Variants in CAMTA1 observed in about 807,000 individuals in gnomAD.
CAMTA1 encodes calmodulin binding transcription activator 1.
A neutral mutation model predicts 170.9 loss-of-function variants in CAMTA1; 27 were observed. The ratio of observed to expected loss-of-function variants is 0.16; its 90% CI spans 0.12 to 0.22. The LOEUF (loss-of-function observed/expected upper bound fraction) is 0.22, where lower values mean the gene tolerates loss of function less well. CAMTA1 is among the 10% of genes least tolerant of loss of function. The probability of loss-of-function intolerance (pLI) is 1.00; values close to 1 mark genes in which losing one functional copy is unlikely to be tolerated. For missense variants in CAMTA1, 1,619 were observed against 2,217.2 expected, an observed-to-expected ratio of 0.73 and a Z score of 5.42; for synonymous variants, 833 against 891.5, an observed-to-expected ratio of 0.93 and a Z score of 1.17.
intron 5 of CAMTA1, among the ~76,000 whole-genome samples, chr1:7,385,461 A>G (rs1264782591): frequency 6.6e-6 from 1 of 152,306 alleles, no homozygotes; most frequent in East Asian, 1.9e-4. Context: ...GCGTCTCTGC[A>G]GGTTTATTCT....
intron 4 of CAMTA1, among the ~76,000 whole-genome samples, chr1:7,110,316 A>G (rs1377162191): frequency 6.6e-6 from 1 of 151,890 alleles, no homozygotes; most frequent in East Asian, 1.9e-4. Context: ...GAAGGGCTAG[A>G]ATGTTCTGAG....
intron 5 of CAMTA1, among the ~76,000 whole-genome samples, chr1:7,453,950 T>G (rs2092891414): frequency 6.6e-6 from 1 of 152,212 alleles, no homozygotes; most frequent in African/African-American, 2.4e-5. Context: ...GGTTAAGACC[T>G]ATGTGGTTGG....
intron 3 of CAMTA1, among the ~76,000 whole-genome samples, chr1:7,031,821 A>T (rs376565332): frequency 1.3e-5 from 2 of 152,046 alleles, no homozygotes; most frequent in South Asian, 4.2e-4. Context: ...GATTATAGGC[A>T]TGAGTCACCA....
intron 3 of CAMTA1, among the ~76,000 whole-genome samples, chr1:7,013,514 C>G (rs1700117621): frequency 6.6e-6 from 1 of 152,172 alleles, no homozygotes; most frequent in Non-Finnish European, 1.5e-5. Context: ...CACCTGGCCC[C>G]TTTGTCCTTC....
chr1:6,805,278 T>C (rs990045204), intron 1 of CAMTA1, among the ~76,000 whole-genome samples: 10 of 152,240 alleles, frequency 6.6e-5, no homozygotes, highest in African/African-American at 1.9e-4. Context: ...TAGTGACTAA[T>C]GATGTTGAGC....
At chr1:7,702,191 T>C (rs2096448637) in intron 11 of CAMTA1, among the ~76,000 whole-genome samples, 1 of 152,014 alleles carries the variant, frequency 6.6e-6, no homozygotes, top group African/African-American at 2.4e-5. Flanking sequence ...CAGTGCCTCC[T>C]GGGCTGCTGC....
intron 3 of CAMTA1, among the ~76,000 whole-genome samples, chr1:6,885,706 T>G (rs991627745): frequency 6.6e-6 from 1 of 152,188 alleles, no homozygotes; most frequent in Non-Finnish European, 1.5e-5. Context: ...TACCTCTGAA[T>G]GTAGATGCAG....
chr1:6,811,572 C>T (rs1196318879), intron 1 of CAMTA1, among the ~76,000 whole-genome samples: 5 of 152,092 alleles, frequency 3.3e-5, no homozygotes, highest in East Asian at 1.9e-4. Context: ...TTTTCCCCTC[C>T]GATTTGTTGC....
intron 11 of CAMTA1, among the ~76,000 whole-genome samples, chr1:7,721,802 T>TG (rs1274831725): frequency 3.3e-5 from 5 of 152,194 alleles, no homozygotes; most frequent in Admixed American, 2.6e-4. Context: ...TTATTAGAGA[T>TG]GGGGTTTCGC....
At chr1:7,339,170 C>G (rs6659087) in intron 5 of CAMTA1, among the ~76,000 whole-genome samples, 1 of 152,034 alleles carries the variant, frequency 6.6e-6, no homozygotes, top group African/African-American at 2.4e-5. Context: ...CTGTGTATTT[C>G]AAAAAGTAAG....
intron 3 of CAMTA1, among the ~76,000 whole-genome samples, chr1:6,938,863 C>G (rs1413438143): frequency 5.9e-5 from 9 of 152,328 alleles, no homozygotes; most frequent in African/African-American, 2.2e-4. Flanking sequence ...CATGACAGGG[C>G]TGTGGCCACC....
In CAMTA1 at chr1:7,549,487, G is replaced by A. The variant is rs147634331; in HGVS notation, c.510+81586G>A. Reference sequence around the variant, plus strand: ...CCTGTGCTTGGCTGTCAGCAAAGGCGTCAGAAATGGGATGACTCATTTCCT... The same window carrying A: ...CCTGTGCTTGGCTGTCAGCAAAGGCATCAGAAATGGGATGACTCATTTCCT... On this transcript the variant is annotated intron_variant, in intron 6 of 22. Coordinates refer to ENST00000303635, the MANE Select transcript of CAMTA1 (RefSeq NM_015215.4). Among the ~76,000 whole-genome samples the A allele has an allele frequency of 1.1e-4, 17 of 152,282 alleles. No homozygotes were observed. The East Asian group carries it at 1.2e-3, about 10-fold the overall frequency.
intron 3 of CAMTA1, among the ~76,000 whole-genome samples, chr1:6,858,492 G>GT (rs1663342653): frequency 1.4e-5 from 2 of 141,394 alleles, no homozygotes; most frequent in African/African-American, 2.6e-5. Flanking sequence ...GTGTTGGGGG[G>GT]GGGGTGTTGT....
At chr1:7,020,982 A>G (rs1305042177) in intron 3 of CAMTA1, among the ~76,000 whole-genome samples, 2 of 152,232 alleles carry the variant, frequency 1.3e-5, no homozygotes, top group East Asian at 1.9e-4. Context: ...GTGCTTGTGC[A>G]TCCTGCAGGG....
chr1:7,495,679 C>T (rs534621137), intron 6 of CAMTA1, among the ~76,000 whole-genome samples: 6 of 152,330 alleles, frequency 3.9e-5, no homozygotes, highest in African/African-American at 1.4e-4. Context: ...AAAGAAGGAT[C>T]CACCCTGGAG....
At chr1:7,595,803 G>T (rs1390155764) in intron 6 of CAMTA1, among the ~76,000 whole-genome samples, 1 of 152,254 alleles carries the variant, frequency 6.6e-6, no homozygotes, top group Non-Finnish European at 1.5e-5. Context: ...AGGTCTGACT[G>T]TTGTGTTTTC....
intron 22 of CAMTA1, among the ~76,000 whole-genome samples, chr1:7,759,263 A>G (rs1421097975): frequency 1.3e-5 from 2 of 152,208 alleles, no homozygotes; most frequent in African/African-American, 4.8e-5. Flanking sequence ...TCAGTGGAGC[A>G]GGGGGAGATC....
intron 6 of CAMTA1, among the ~76,000 whole-genome samples, chr1:7,497,499 A>C (rs1235426190): frequency 6.6e-6 from 1 of 152,174 alleles, no homozygotes; most frequent in Non-Finnish European, 1.5e-5. Flanking sequence ...CATGCTGGCA[A>C]TCTCTTTTGG....
intron 4 of CAMTA1, chr1:7,142,124 C>T: frequency 1.9e-6 from 1 of 518,778 alleles, no homozygotes; most frequent in Non-Finnish European, 3.8e-6. Flanking sequence ...GGTGAGTGCC[C>T]AGATGTTCCT....
Sources: allele counts gnomAD v4.1 joint callset (sites outside exome capture counted in the v4.1 genomes callset), GRCh38; gene constraint gnomAD v4.1.1; transcripts MANE v1.5; gene names NCBI Gene and HGNC (gene_info 2026-07-23, HGNC 2026-07-21).